SCAPER: variants seen among roughly 807,000 people sequenced by gnomAD.
The protein encoded by SCAPER is S phase cyclin A-associated protein in the endoplasmic reticulum.
Under a neutral mutation model 182.2 loss-of-function variants are expected in SCAPER, and 98 were observed. The observed-to-expected ratio is 0.54, with a 90% CI of 0.46 to 0.64. SCAPER has a LOEUF of 0.64. Among genes scored for constraint, SCAPER ranks in the 30% least tolerant of loss-of-function variants. The pLI is 0.00. For missense variants in SCAPER, 1,432 were observed against 1,690.0 expected, an observed-to-expected ratio of 0.85 and a Z score of 2.68; for synonymous variants, 605 against 564.6, an observed-to-expected ratio of 1.07 and a Z score of -1.01.
intron 8 of SCAPER, among the ~76,000 whole-genome samples, chr15:76,794,260 T>A (rs940521449): frequency 6.6e-6 from 1 of 152,242 alleles, no homozygotes; most frequent in African/African-American, 2.4e-5. Flanking sequence ...TAATCTGAAG[T>A]GGACTGCTTT....
chr15:76,457,882 T>C (rs1053829820), intron 25 of SCAPER, among the ~76,000 whole-genome samples: 1 of 152,190 alleles, frequency 6.6e-6, no homozygotes, highest in Admixed American at 6.5e-5. Flanking sequence ...TTCCTGAAGA[T>C]AGAAATTTTC....
intron 3 of SCAPER, among the ~76,000 whole-genome samples, chr15:76,859,219 A>G (rs11855534): frequency 0.44 from 66,230 of 152,088 alleles, 14,920 homozygotes; most frequent in East Asian, 0.59. Context: ...CCCTGAAGCA[A>G]TATAAGTGAG....
At chr15:76,469,144 T>C (rs75273492) in intron 25 of SCAPER, among the ~76,000 whole-genome samples, 1 of 152,292 alleles carries the variant, frequency 6.6e-6, no homozygotes, top group East Asian at 1.9e-4. Flanking sequence ...CTTTAAGTCT[T>C]CTTGTTCATT....
intron 22 of SCAPER, among the ~76,000 whole-genome samples, chr15:76,585,008 T>C (rs1409116257): frequency 1.3e-5 from 2 of 152,204 alleles, no homozygotes; most frequent in African/African-American, 4.8e-5. Context: ...CCTCAGCTAT[T>C]TACATGAAGC....
At chr15:76,738,221 T>C (rs950087424) in intron 15 of SCAPER, among the ~76,000 whole-genome samples, 2 of 152,104 alleles carry the variant, frequency 1.3e-5, no homozygotes, top group Non-Finnish European at 2.9e-5. Context: ...CTCACACTCC[T>C]GAGCTCAAGT....
At chr15:76,743,751 C>T (rs1171114820) in intron 15 of SCAPER, among the ~76,000 whole-genome samples, 7 of 151,988 alleles carry the variant, frequency 4.6e-5, no homozygotes, top group Non-Finnish European at 5.9e-5. Flanking sequence ...CCTATCAAAC[C>T]ACCAGTGGCA....
chr15:76,875,529 G>A (rs2073079994), intron 2 of SCAPER, among the ~76,000 whole-genome samples: 1 of 152,218 alleles, frequency 6.6e-6, no homozygotes, highest in African/African-American at 2.4e-5. Context: ...TGTAATTCCA[G>A]CTACTCAGGA....
intron 22 of SCAPER, among the ~76,000 whole-genome samples, chr15:76,607,809 C>T (rs374038719): frequency 6.6e-6 from 1 of 152,158 alleles, no homozygotes; most frequent in South Asian, 2.1e-4. Context: ...TTGATCGCAT[C>T]GGCTACTGAG....
chr15:76,521,742 A>G (rs2042853786), intron 23 of SCAPER, among the ~76,000 whole-genome samples: 1 of 152,192 alleles, frequency 6.6e-6, no homozygotes, highest in Admixed American at 6.5e-5. Flanking sequence ...ACTCTCATGA[A>G]GTATTAATGT....
intron 23 of SCAPER, among the ~76,000 whole-genome samples, chr15:76,545,776 G>C (rs1296533993): frequency 6.6e-6 from 1 of 152,124 alleles, no homozygotes; most frequent in Non-Finnish European, 1.5e-5. Context: ...GGTGAAGTTA[G>C]ATGGAATATG....
rs141046825 is a variant in SCAPER, at chr15:76,459,671, G to A, written c.3078+11541C>T. Among the ~76,000 whole-genome samples, 1,378 of 151,882 alleles carry A rather than the reference G, an allele frequency of 9.1e-3. 22 individuals carry two copies. The highest frequency in any genetic ancestry group is 0.032 in the African/African-American group (1,336 of 41,436). ...GATTGTTTCCTTTGCTGTGTAAAAG[G>A]TTTTTAGTTTAATATAGTCCATTTG... On this transcript the variant is annotated intron_variant, in intron 25 of 31. Transcript: ENST00000563290.
intron 25 of SCAPER, among the ~76,000 whole-genome samples, chr15:76,441,969 A>T (rs1368692109): frequency 6.6e-6 from 1 of 152,180 alleles, no homozygotes; most frequent in Non-Finnish European, 1.5e-5. Flanking sequence ...ACTAAAAAAA[A>T]TTCACCAAAC....
At chr15:76,893,903 G>C (rs1262249612) in intron 1 of SCAPER, among the ~76,000 whole-genome samples, 1 of 152,092 alleles carries the variant, frequency 6.6e-6, no homozygotes, top group South Asian at 2.1e-4. Context: ...AAAACTTATG[G>C]AATACAATAA....
chr15:76,623,655 T>G (rs146047853), intron 21 of SCAPER, among the ~76,000 whole-genome samples: 1 of 152,216 alleles, frequency 6.6e-6, no homozygotes, highest in Non-Finnish European at 1.5e-5. Context: ...TGTAGACTTA[T>G]AGTATAGTTT....
intron 21 of SCAPER, among the ~76,000 whole-genome samples, chr15:76,657,305 T>G (rs116197391): frequency 6.6e-6 from 1 of 151,804 alleles, no homozygotes; most frequent in Admixed American, 6.6e-5. Context: ...CTAGAAGAAA[T>G]TGATAAATTC....
intron 25 of SCAPER, among the ~76,000 whole-genome samples, chr15:76,441,655 C>T (rs1362074539): frequency 1.3e-5 from 2 of 152,172 alleles, no homozygotes. Flanking sequence ...AATTTCTCCA[C>T]TTCTTCTAGG....
At chr15:76,552,051 T>C (rs1447767490) in intron 23 of SCAPER, among the ~76,000 whole-genome samples, 2 of 151,884 alleles carry the variant, frequency 1.3e-5, no homozygotes, top group African/African-American at 2.4e-5. Flanking sequence ...TTTGGGAGGC[T>C]GAGGTAAGAA....
At chr15:76,502,600 A>G (rs539385948) in intron 24 of SCAPER, among the ~76,000 whole-genome samples, 1 of 152,178 alleles carries the variant, frequency 6.6e-6, no homozygotes, top group East Asian at 1.9e-4. Context: ...GAGGGATAGC[A>G]TTAGGGGATA....
chr15:76,661,865 T>C (rs1020633786), intron 21 of SCAPER, among the ~76,000 whole-genome samples: 3 of 152,162 alleles, frequency 2.0e-5, no homozygotes, highest in Admixed American at 6.5e-5. Context: ...CATTGTATTA[T>C]AAAGATACAT....
Sources: gnomAD v4.1 joint callset for allele counts (sites outside exome capture counted in the v4.1 genomes callset) on GRCh38, gnomAD v4.1.1 for gene constraint, MANE v1.5 for transcripts, NCBI Gene and HGNC (gene_info 2026-07-23, HGNC 2026-07-21) for gene names.